Variants in ADD2 observed in about 807,000 individuals in gnomAD.
The protein encoded by ADD2 is beta-adducin.
A neutral mutation model predicts 83.0 loss-of-function variants in ADD2; 23 were observed. The ratio of observed to expected loss-of-function variants is 0.28; its 90% CI spans 0.20 to 0.39. The LOEUF is 0.39. ADD2 is among the 10% of genes least tolerant of loss of function. ADD2 has a pLI of 1.00. For missense variants in ADD2, 758 were observed against 944.9 expected, an observed-to-expected ratio of 0.80 and a Z score of 2.59; for synonymous variants, 375 against 375.4, an observed-to-expected ratio of 1.00 and a Z score of 0.01.
At chr2:70,751,135 C>G (rs1201512111) in intron 1 of ADD2, among the ~76,000 whole-genome samples, 9 of 152,178 alleles carry the variant, frequency 5.9e-5, no homozygotes, top group African/African-American at 2.2e-4. Flanking sequence ...TATCTTTTCT[C>G]AGCTTCATGT....
chr2:70,765,013 C>G (rs146942091), intron 1 of ADD2, among the ~76,000 whole-genome samples: 6 of 152,052 alleles, frequency 3.9e-5, no homozygotes, highest in Non-Finnish European at 7.4e-5. Flanking sequence ...GGCATCATTT[C>G]AAACACTATG....
intron 1 of ADD2, among the ~76,000 whole-genome samples, chr2:70,719,683 T>C (rs1337512382): frequency 2.0e-5 from 3 of 152,246 alleles, no homozygotes; most frequent in African/African-American, 4.8e-5. Context: ...AAAGGCTGTC[T>C]AATTGAGCTG....
intron 14 of ADD2, chr2:70,673,374 C>A: frequency 1.3e-6 from 2 of 1,573,320 alleles, no homozygotes; most frequent in Non-Finnish European, 8.7e-7. Context: ...CAGAGCACAT[C>A]AACGGGTAAG....
intron 14 of ADD2, 154 bp from the exon 15 acceptor site, chr2:70,673,160 C>A (rs1330877477): frequency 6.4e-7 from 1 of 1,569,026 alleles, no homozygotes; most frequent in African/African-American, 1.4e-5. Context: ...CTCCCCCTGA[C>A]CTTCTTAGAT....
chr2:70,748,219 T>C (rs550296278), intron 1 of ADD2, among the ~76,000 whole-genome samples: 3 of 151,758 alleles, frequency 2.0e-5, no homozygotes, highest in Non-Finnish European at 2.9e-5. Flanking sequence ...CCTTATCATG[T>C]GGGTCCTGCC....
chr2:70,669,419 A>G (rs1332892621), intron 15 of ADD2, among the ~76,000 whole-genome samples: 1 of 152,234 alleles, frequency 6.6e-6, no homozygotes, highest in Admixed American at 6.5e-5. Context: ...TAAGTTTAGA[A>G]TGCTATGCTT....
intron 1 of ADD2, among the ~76,000 whole-genome samples, chr2:70,744,777 C>T (rs1042299834): frequency 1.3e-5 from 2 of 152,074 alleles, no homozygotes; most frequent in Non-Finnish European, 2.9e-5. Flanking sequence ...CACTAGTGGG[C>T]GTGTGGGGGT....
At chr2:70,721,682 C>G (rs1672736355) in intron 1 of ADD2, among the ~76,000 whole-genome samples, 1 of 152,220 alleles carries the variant, frequency 6.6e-6, no homozygotes, top group Admixed American at 6.5e-5. Context: ...TTAATAGTGA[C>G]TTTTAATGTC....
At chr2:70,715,152 G>C (rs1443143306) in intron 1 of ADD2, among the ~76,000 whole-genome samples, 1 of 152,154 alleles carries the variant, frequency 6.6e-6, no homozygotes, top group Non-Finnish European at 1.5e-5. Context: ...TTGGGGAGTT[G>C]GGCTGAGCAG....
chr2:70,666,807 G>T (rs1347343990), intron 15 of ADD2, among the ~76,000 whole-genome samples: 1 of 152,198 alleles, frequency 6.6e-6, no homozygotes, highest in African/African-American at 2.4e-5. Flanking sequence ...TGTAGAAAGT[G>T]GGGGCCACAG....
chr2:70,762,521 G>C (rs1260413934), intron 1 of ADD2, among the ~76,000 whole-genome samples: 6 of 151,308 alleles, frequency 4.0e-5, no homozygotes, highest in Admixed American at 2.0e-4. Flanking sequence ...TGGGCAATCA[G>C]GGCCCTGAGT....
chr2:70,669,228 G>A (rs1478765715), intron 15 of ADD2, among the ~76,000 whole-genome samples: 1 of 152,122 alleles, frequency 6.6e-6, no homozygotes, highest in Non-Finnish European at 1.5e-5. Context: ...TTTCTGTCTG[G>A]GTTTAAATTC....
intron 5 of ADD2, 70 bp downstream of exon 5, chr2:70,696,175 A>ATGT (rs1671299028): frequency 6.4e-7 from 1 of 1,555,702 alleles, no homozygotes; most frequent in African/African-American, 1.4e-5. Flanking sequence ...GCCAAGGGTC[A>ATGT]GGAGTTCTCC....
chr2:70,725,863 T>C (rs1672966718), intron 1 of ADD2, among the ~76,000 whole-genome samples: 1 of 152,062 alleles, frequency 6.6e-6, no homozygotes, highest in Admixed American at 6.5e-5. Flanking sequence ...AGAGTATGCA[T>C]GTCTCAAAGG....
intron 14 of ADD2, 36 bp from the exon 15 acceptor site, chr2:70,673,042 A>T: frequency 1.3e-6 from 2 of 1,598,724 alleles, no homozygotes; most frequent in Non-Finnish European, 1.7e-6. Context: ...GATAGAGGTC[A>T]AATAGAGAAG....
At chr2:70,748,816 T>C (rs552992760) in intron 1 of ADD2, among the ~76,000 whole-genome samples, 2 of 152,374 alleles carry the variant, frequency 1.3e-5, no homozygotes, top group African/African-American at 4.8e-5. Flanking sequence ...AATGCCATTA[T>C]TGCACATTAA....
At chr2:70,667,103 C>A (rs974699163) in intron 15 of ADD2, among the ~76,000 whole-genome samples, 1 of 152,150 alleles carries the variant, frequency 6.6e-6, no homozygotes, top group Non-Finnish European at 1.5e-5. Context: ...GCCCCAGGAA[C>A]TAGGGTCAGA....
At chr2:70,707,763 A>G (rs1671978205) in intron 2 of ADD2, among the ~76,000 whole-genome samples, 1 of 152,256 alleles carries the variant, frequency 6.6e-6, no homozygotes, top group South Asian at 2.1e-4. Context: ...AAAGAGCATT[A>G]CAAGGGACCA....
At chr2:70,693,337 T>C (rs1671145276) in intron 6 of ADD2, among the ~76,000 whole-genome samples, 2 of 152,146 alleles carry the variant, frequency 1.3e-5, no homozygotes, top group African/African-American at 2.4e-5. Context: ...CTGACTGCAG[T>C]TGTTCCCTGG....
Sources: gnomAD v4.1 joint callset for allele counts (sites outside exome capture counted in the v4.1 genomes callset) on GRCh38, gnomAD v4.1.1 for gene constraint, MANE v1.5 for transcripts, NCBI Gene and HGNC (gene_info 2026-07-23, HGNC 2026-07-21) for gene names.